Variants in PRKD1 observed in about 807,000 individuals in gnomAD.
PRKD1 encodes serine/threonine-protein kinase D1.
In PRKD1, 63 loss-of-function variants were observed where a neutral mutation model predicts 95.9. That is an observed-to-expected ratio of 0.66 (90% CI 0.54 to 0.81). PRKD1 has a LOEUF of 0.81. PRKD1 is among the 30% of genes least tolerant of loss of function. PRKD1 has a pLI of 0.00. For missense variants in PRKD1, 1,048 were observed against 1,165.3 expected (o/e 0.90, Z 1.47); for synonymous variants, 425 against 423.1 (o/e 1.00, Z -0.05).
chr14:29,699,536 A>G (rs1459372837), intron 2 of PRKD1, among the ~76,000 whole-genome samples: 1 of 152,186 alleles, frequency 6.6e-6, no homozygotes, highest in East Asian at 1.9e-4. Flanking sequence ...ATGAGGCTCC[A>G]TGTGTATCTT....
chr14:29,760,541 G>A (rs1335040757), intron 1 of PRKD1, among the ~76,000 whole-genome samples: 2 of 151,864 alleles, frequency 1.3e-5, no homozygotes, highest in Non-Finnish European at 2.9e-5. Context: ...TTTTAGTAGA[G>A]ATGAGGTTTC....
At chr14:29,673,601 C>T (rs1471927818) in intron 2 of PRKD1, among the ~76,000 whole-genome samples, 1 of 152,250 alleles carries the variant, frequency 6.6e-6, no homozygotes, top group Non-Finnish European at 1.5e-5. Context: ...ACATTACACA[C>T]TGCAAGACCA....
In PRKD1 at chr14:29,880,749, C is replaced by A. The variant is rs760591361; in HGVS notation, c.264+46500G>T. Among the ~76,000 whole-genome samples, 92 of 151,690 alleles carry A rather than the reference C, an allele frequency of 6.1e-4. 1 individual carries two copies. The highest frequency in any genetic ancestry group is 5.7e-3 in the Admixed American group (87 of 15,246). ...GCCACAGGGGCGGAGCTACACAAGA[C>A]CATGGGAACCCACCTCTTCCATCAG... On this transcript the variant is annotated intron_variant, in intron 1 of 17. Transcript: ENST00000331968.
intron 1 of PRKD1, among the ~76,000 whole-genome samples, chr14:29,805,263 A>C (rs1461598332): frequency 6.6e-6 from 1 of 152,096 alleles, no homozygotes; most frequent in African/African-American, 2.4e-5. Flanking sequence ...TAAAAATCAC[A>C]CCCATTGGCT....
At chr14:29,608,865 A>G (rs1473409164) in intron 13 of PRKD1, among the ~76,000 whole-genome samples, 2 of 152,212 alleles carry the variant, frequency 1.3e-5, no homozygotes, top group African/African-American at 4.8e-5. Context: ...ATTCTTCATT[A>G]ATCATCTTTT....
Position 29,638,701 on chromosome 14 carries a change from C to T in PRKD1, c.900G>A (p.Gln300=), listed in dbSNP as rs769170003. The T allele has an allele frequency of 6.2e-6, 10 of 1,614,020 alleles. No individual in the cohort carries two copies. Among genetic ancestry groups the T allele is most frequent in the Non-Finnish European group, 6.8e-6 (8 of 1,180,018 alleles). The change falls in exon 5 of 18, where the codon CAG becomes CAA. Residue 300 remains glutamine (Q), a synonymous_variant. Coordinates refer to ENST00000331968, the MANE Select transcript of PRKD1 (RefSeq NM_002742.3). ...TGACAAAATCATCCTTACCTTTGCA[C>T]TGCAAGCCCTGCCTGAAAAGCCCCT... is the stretch of plus-strand genomic sequence containing the variant. ...LLKGLFRQGL[Q]CKDCRFNCHK...
At chr14:29,818,971 A>G (rs576583372) in intron 1 of PRKD1, among the ~76,000 whole-genome samples, 3 of 152,272 alleles carry the variant, frequency 2.0e-5, no homozygotes, top group Admixed American at 2.0e-4. Context: ...CTGACCTATC[A>G]AATCCCAAAA....
intron 1 of PRKD1, among the ~76,000 whole-genome samples, chr14:29,781,437 G>A (rs527642636): frequency 6.6e-6 from 1 of 152,278 alleles, no homozygotes; most frequent in Non-Finnish European, 1.5e-5. Flanking sequence ...ACAAGCCTCT[G>A]GCTGGTCATG....
At chr14:29,687,093 G>T (rs2139285951) in intron 2 of PRKD1, among the ~76,000 whole-genome samples, 1 of 152,012 alleles carries the variant, frequency 6.6e-6, no homozygotes, top group Non-Finnish European at 1.5e-5. Context: ...CTTAAGGTCT[G>T]GTGTCTGGTA....
intron 1 of PRKD1, among the ~76,000 whole-genome samples, chr14:29,817,033 T>C (rs1250044874): frequency 1.3e-5 from 2 of 152,230 alleles, no homozygotes; most frequent in African/African-American, 2.4e-5. Context: ...TTTCCAAATA[T>C]ATATTTATAT....
intron 2 of PRKD1, among the ~76,000 whole-genome samples, chr14:29,666,621 A>G (rs1378484561): frequency 6.6e-6 from 1 of 152,172 alleles, no homozygotes; most frequent in Non-Finnish European, 1.5e-5. Flanking sequence ...ATTCAGATAG[A>G]TCCGAAAAAT....
chr14:29,838,968 T>C (rs918902493), intron 1 of PRKD1, among the ~76,000 whole-genome samples: 5 of 152,132 alleles, frequency 3.3e-5, no homozygotes, highest in Admixed American at 2.6e-4. Flanking sequence ...TGATGCTTTA[T>C]GGAAAAACTT....
In PRKD1 at chr14:29,881,938, C is replaced by T. The variant is rs8008386; in HGVS notation, c.264+45311G>A. 9.6e-4 allele frequency among the ~76,000 whole-genome samples: 146 copies of T among 152,244 alleles called. 3 individuals carry two copies. The highest frequency in any genetic ancestry group is 3.4e-3 in the African/African-American group (141 of 41,544). ...ACTTTCTATCTCTTCTCATGGAGCA[C>T]GTCTTACTTATCCCTTCCATAGTTT... On this transcript the variant is annotated intron_variant, in intron 1 of 17. Coordinates refer to ENST00000331968, the MANE Select transcript of PRKD1 (RefSeq NM_002742.3).
At chr14:29,876,654 A>G (rs960358250) in intron 1 of PRKD1, among the ~76,000 whole-genome samples, 4 of 152,070 alleles carry the variant, frequency 2.6e-5, no homozygotes, top group African/African-American at 7.2e-5. Context: ...AGCCAATTTC[A>G]TATATAAGGC....
At chr14:29,777,714 T>C (rs919849119) in intron 1 of PRKD1, among the ~76,000 whole-genome samples, 2 of 152,132 alleles carry the variant, frequency 1.3e-5, no homozygotes, top group Admixed American at 6.5e-5. Context: ...ACCACCCCAC[T>C]GTCAATATTA....
At chr14:29,608,482 TG>T (rs1878179732) in intron 13 of PRKD1, among the ~76,000 whole-genome samples, 1 of 152,174 alleles carries the variant, frequency 6.6e-6, no homozygotes, top group Non-Finnish European at 1.5e-5. Context: ...ATGGGAAAGG[TG>T]GACTCCTTTT....
intron 13 of PRKD1, among the ~76,000 whole-genome samples, chr14:29,606,530 T>C (rs200827998): frequency 6.6e-6 from 1 of 152,200 alleles, no homozygotes; most frequent in East Asian, 1.9e-4. Context: ...TCCTATGCTC[T>C]AGGAGACTTG....
At chr14:29,677,200 T>C (rs1339474535) in intron 2 of PRKD1, among the ~76,000 whole-genome samples, 1 of 152,236 alleles carries the variant, frequency 6.6e-6, no homozygotes, top group East Asian at 1.9e-4. Flanking sequence ...CTTACTGAAA[T>C]TGGCTAACAC....
At chr14:29,697,239 T>A (rs1048325918) in intron 2 of PRKD1, among the ~76,000 whole-genome samples, 6 of 152,030 alleles carry the variant, frequency 3.9e-5, no homozygotes. Flanking sequence ...ATTCCTACTC[T>A]GACAATGTAA....
Sources: gnomAD v4.1 joint callset for allele counts (sites outside exome capture counted in the v4.1 genomes callset) on GRCh38, gnomAD v4.1.1 for gene constraint, MANE v1.5 for transcripts, NCBI Gene and HGNC (gene_info 2026-07-23, HGNC 2026-07-21) for gene names.